Variants in RPL27A observed in about 807,000 individuals in gnomAD.
RPL27A encodes ribosomal protein L27a.
For missense variants in RPL27A, 118 were observed against 189.4 expected (o/e 0.62, Z 2.21); for synonymous variants, 69 against 68.3 (o/e 1.01, Z -0.05).
Position 8,684,598 on chromosome 11 carries a change from C to T in RPL27A, c.144-120C>T, listed in dbSNP as rs1169657323. 6 of 835,214 alleles carry T rather than the reference C, an allele frequency of 7.2e-6. No homozygotes were observed. In the African/African-American group the frequency reaches 8.5e-5, roughly 12 times the overall value. The allele number at this position is 835,214 out of a possible 1,614,324, so 51.7% of individuals were successfully genotyped here. Reference sequence around the variant, plus strand: ...TTTAAGTCAACAGATGTATCATATGCCTGACACTGCTCTACACCAGTGAAT... The same window carrying T: ...TTTAAGTCAACAGATGTATCATATGTCTGACACTGCTCTACACCAGTGAAT... On this transcript the variant is annotated intron_variant, in intron 3 of 4. Coordinates refer to ENST00000314138, the MANE Select transcript of RPL27A (RefSeq NM_000990.5).
rs2039587817 is a variant in RPL27A, at chr11:8,686,492, A to G, written c.*686A>G. Reference sequence around the variant, plus strand: ...GTGATCTGCCCACATCGGCCTCCAAAAGTTCTGGGATTATAGTGTGAGCCA... The same window carrying G: ...GTGATCTGCCCACATCGGCCTCCAAGAGTTCTGGGATTATAGTGTGAGCCA... On this transcript the variant is annotated 3_prime_UTR_variant, in exon 5 of 5. Transcript: ENST00000314138. The G allele has an allele frequency of 6.6e-6, 1 of 152,108 alleles. No homozygotes were observed. The highest frequency in any genetic ancestry group is 1.5e-5 in the Non-Finnish European group (1 of 68,042). The allele number at this position is 152,108 out of a possible 1,614,324, so 9.4% of individuals were successfully genotyped here.
At chr11:8,685,473 G>A (rs533183851) in intron 4 of RPL27A, 22 of 723,962 alleles carry the variant, frequency 3.0e-5, no homozygotes, top group South Asian at 2.3e-4. Flanking sequence ...CACAACTCTT[G>A]TCCTGGTGTG....
At chr11:8,684,146 T>G in intron 3 of RPL27A, 65 bp downstream of exon 3, 1 of 1,380,152 alleles carries the variant, frequency 7.2e-7, no homozygotes, top group African/African-American at 1.4e-5. Context: ...GAGGGCTGGC[T>G]TAAACAAAAA....
At chr11:8,685,291 G>A (rs2133617932) in intron 4 of RPL27A, 1 of 472,596 alleles carries the variant, frequency 2.1e-6, no homozygotes, top group Non-Finnish European at 4.0e-6. Flanking sequence ...TGAATATAGA[G>A]GTAGTGTTAA....
At position 8,689,510 on chromosome 11, in the gene RPL27A, T is replaced by C. The variant is rs1319357238; in HGVS notation, c.*3704T>C. On this transcript the variant is annotated 3_prime_UTR_variant, in exon 5 of 5. Transcript: ENST00000314138. ...GCAATATAAATGGAGCGAAAGTATC[T>C]TGAGAAAAAAAAAAAAACTACCAGA... 6.6e-6 allele frequency: 1 copy of C among 151,620 alleles called. No homozygotes were observed. The allele number at this position is 151,620 out of a possible 1,614,324, so 9.4% of individuals were successfully genotyped here. A position where few individuals can be genotyped will look rare whatever the true frequency, so the allele number is the denominator to read the frequency against.
At position 8,686,802 on chromosome 11, in the gene RPL27A, T is replaced by A. The variant is rs2039591275; in HGVS notation, c.*996T>A. On this transcript the variant is annotated 3_prime_UTR_variant, in exon 5 of 5. Transcript: ENST00000314138. Reference sequence around the variant, plus strand: ...GACCAATTCATGTTTACAAATAAGATCCTCATAGATCTCGGTAAATTATAA... The same window carrying A: ...GACCAATTCATGTTTACAAATAAGAACCTCATAGATCTCGGTAAATTATAA... The A allele has an allele frequency of 1.3e-5, 2 of 152,340 alleles. No homozygotes were observed. Among genetic ancestry groups the A allele is most frequent in the South Asian group, 2.1e-4 (1 of 4,828 alleles). The allele number at this position is 152,340 out of a possible 1,614,324, so 9.4% of individuals were successfully genotyped here.
Position 8,687,658 on chromosome 11 carries a change from T to C in RPL27A, c.*1852T>C, listed in dbSNP as rs2039599732. 6.6e-6 allele frequency: 1 copy of C among 152,264 alleles called. No individual in the cohort carries two copies. 9.4% of individuals were successfully genotyped at this position (152,264 alleles called of 1,614,324 possible). A position where few individuals can be genotyped will look rare whatever the true frequency, so the allele number is the denominator to read the frequency against. On this transcript the variant is annotated 3_prime_UTR_variant, in exon 5 of 5. Coordinates refer to ENST00000314138, the MANE Select transcript of RPL27A (RefSeq NM_000990.5). ...TTTTGTTTTGTTTTGAGACGGAGTCTCGCTCTGTCGCCCAGGCTGGAGTGC... is the reference window on the plus strand; with the variant it reads ...TTTTGTTTTGTTTTGAGACGGAGTCCCGCTCTGTCGCCCAGGCTGGAGTGC...
At chr11:8,684,935 T>A in intron 4 of RPL27A, 43 bp downstream of exon 4, 1 of 1,589,580 alleles carries the variant, frequency 6.3e-7, no homozygotes, top group Non-Finnish European at 8.6e-7. Flanking sequence ...TACCTTCCCT[T>A]ACAAAACTCT....
chr11:8,686,013 C>T lies in RPL27A; in HGVS notation c.*207C>T. The stretch of plus-strand genomic sequence containing the variant: ...ACAGACGTTGGCCAGTTAAACATTT[C>T]TGTTTATAAAGTCAGAATAATACCT... On this transcript the variant is annotated 3_prime_UTR_variant, in exon 5 of 5. Transcript: ENST00000314138. 1 of 553,548 alleles carries T rather than the reference C, an allele frequency of 1.8e-6. No homozygotes were observed. Among genetic ancestry groups the T allele is most frequent in the Non-Finnish European group, 3.2e-6 (1 of 309,846 alleles). The allele number at this position is 553,548 out of a possible 1,614,324, so 34.3% of individuals were successfully genotyped here.
chr11:8,685,478 G>T (rs745841531), intron 4 of RPL27A, 200 bp from the exon 5 acceptor site: 1 of 728,868 alleles, frequency 1.4e-6, no homozygotes, highest in Admixed American at 1.7e-5. Context: ...CTCTTGTCCT[G>T]GTGTGCTAGA....
intron 4 of RPL27A, 166 bp from the exon 5 acceptor site, chr11:8,685,512 C>T: frequency 1.3e-6 from 1 of 776,934 alleles, no homozygotes; most frequent in Non-Finnish European, 2.3e-6. Context: ...ATCTACTGGT[C>T]TTGATTCACT....
At position 8,683,509 on chromosome 11, in the gene RPL27A, C is replaced by G. The variant is rs2039533294; in HGVS notation, c.67+244C>G. On this transcript the variant is annotated intron_variant, in intron 2 of 4. Coordinates refer to ENST00000314138, the MANE Select transcript of RPL27A (RefSeq NM_000990.5). ...GAAGACATGGAGTACTGTGGGAATG[C>G]TGTGATGTGGAACCTGAAAAGATGT... 3.6e-5 allele frequency: 21 copies of G among 575,468 alleles called. No homozygotes were observed. In the South Asian group the frequency reaches 4.4e-4, roughly 12 times the overall value. The allele number at this position is 575,468 out of a possible 1,614,324, so 35.6% of individuals were successfully genotyped here.
In RPL27A at chr11:8,685,743, C is replaced by A. The variant is rs781660451; in HGVS notation, c.384C>A (p.Phe128Leu). 1.2e-5 allele frequency: 20 copies of A among 1,613,980 alleles called. No homozygotes were observed. In the South Asian group the frequency reaches 2.1e-4, roughly 17 times the overall value. The change falls in exon 5 of 5, where the codon TTC becomes TTA. Residue 128 changes from phenylalanine to leucine, a missense_variant. Physicochemically the swap from Phe to Leu is conservative, Grantham distance 22. Coordinates refer to ENST00000314138, the MANE Select transcript of RPL27A (RefSeq NM_000990.5). ...AGCCTGTCATCGTGAAGGCCAAATTCTTCAGCAGAAGAGCTGAGGAGAAGA... is the reference window on the plus strand; with the variant it reads ...AGCCTGTCATCGTGAAGGCCAAATTATTCAGCAGAAGAGCTGAGGAGAAGA... ...PKQPVIVKAKFFSRRAEEKIK... is the reference protein window; with the variant it reads ...PKQPVIVKAKLFSRRAEEKIK...
At chr11:8,685,200 C>T in intron 4 of RPL27A, 1 of 457,492 alleles carries the variant, frequency 2.2e-6, no homozygotes. Context: ...CATGCATTAT[C>T]TGAAGAGATT....
intron 4 of RPL27A, 142 bp downstream of exon 4, chr11:8,685,034 G>A: frequency 1.2e-6 from 1 of 854,178 alleles, no homozygotes; most frequent in East Asian, 2.5e-5. Context: ...ATCATAGGTA[G>A]TTCCCTATCC....
At position 8,687,652 on chromosome 11, in the gene RPL27A, G is replaced by T. The variant is rs1200302842; in HGVS notation, c.*1846G>T. On this transcript the variant is annotated 3_prime_UTR_variant, in exon 5 of 5. Coordinates refer to ENST00000314138, the MANE Select transcript of RPL27A (RefSeq NM_000990.5). ...TTAATTTTTTGTTTTGTTTTGAGAC[G>T]GAGTCTCGCTCTGTCGCCCAGGCTG... 1 of 152,178 alleles carries T rather than the reference G, an allele frequency of 6.6e-6. No individual in the cohort carries two copies. The highest frequency in any genetic ancestry group is 1.5e-5 in the Non-Finnish European group (1 of 68,074). The allele number at this position is 152,178 out of a possible 1,614,324, so 9.4% of individuals were successfully genotyped here.
At position 8,686,898 on chromosome 11, in the gene RPL27A, T is replaced by G. The variant is rs1310631027; in HGVS notation, c.*1092T>G. 1.3e-5 allele frequency: 2 copies of G among 152,218 alleles called. No homozygotes were observed. The highest frequency in any genetic ancestry group is 4.8e-5 in the African/African-American group (2 of 41,444). The allele number at this position is 152,218 out of a possible 1,614,324, so 9.4% of individuals were successfully genotyped here. A position where few individuals can be genotyped will look rare whatever the true frequency, so the allele number is the denominator to read the frequency against. ...GACCCAAAATAATACAGTCTAAAAC[T>G]ATAGACAAATAAGATGGCACTTAGA... On this transcript the variant is annotated 3_prime_UTR_variant, in exon 5 of 5. Transcript: ENST00000314138.
chr11:8,685,017 T>A, intron 4 of RPL27A, 125 bp downstream of exon 4: 2 of 964,904 alleles, frequency 2.1e-6, no homozygotes, highest in Non-Finnish European at 3.3e-6. Context: ...CTTCCTGTGG[T>A]AGAATTATCA....
chr11:8,689,077 G>A lies in RPL27A; in HGVS notation c.*3271G>A, dbSNP rs373535853. The A allele has an allele frequency of 7.6e-4, 116 of 152,404 alleles. No homozygotes were observed. The highest frequency in any genetic ancestry group is 2.7e-3 in the African/African-American group (114 of 41,600). The allele number at this position is 152,404 out of a possible 1,614,324, so 9.4% of individuals were successfully genotyped here. ...GCCTCGCTCGGCCACTTCCGGCAAG[G>A]GCGGAGCCGGCCAGTGGTGCGCGAG... On this transcript the variant is annotated 3_prime_UTR_variant, in exon 5 of 5. Coordinates refer to ENST00000314138, the MANE Select transcript of RPL27A (RefSeq NM_000990.5).
Sources: allele counts gnomAD v4.1 joint callset, GRCh38; gene constraint gnomAD v4.1.1; transcripts MANE v1.5; gene names NCBI Gene and HGNC (gene_info 2026-07-23, HGNC 2026-07-21).